The following KRTCAP2 variants were observed in gnomAD, a reference collection of about 807,000 sequenced individuals.
The protein encoded by KRTCAP2 is keratinocyte associated protein 2.
Under a neutral mutation model 16.5 loss-of-function variants are expected in KRTCAP2, and 10 were observed. That is an observed-to-expected ratio of 0.60 (90% CI 0.37 to 1.02). KRTCAP2 has a LOEUF of 1.02. Ranked by LOEUF, KRTCAP2 falls within the 50% of genes least tolerant of loss-of-function variation. The probability of loss-of-function intolerance (pLI) is 0.01; values close to 1 mark genes in which losing one functional copy is unlikely to be tolerated. For synonymous variants in KRTCAP2, 68 were observed against 69.8 expected (o/e 0.97, Z 0.13); for missense variants, 152 against 159.6 (o/e 0.95, Z 0.26).
chr1:155,170,034 T>G, intron 3 of KRTCAP2, 177 bp from the exon 4 acceptor site: 1 of 538,818 alleles, frequency 1.9e-6, no homozygotes, highest in Non-Finnish European at 3.4e-6. Flanking sequence ...AACATGGAGG[T>G]AGGAGGTTGA....
chr1:155,170,031 A>C (rs534766954), intron 3 of KRTCAP2, 174 bp from the exon 4 acceptor site: 1 of 540,490 alleles, frequency 1.9e-6, no homozygotes. Context: ...CAGAACATGG[A>C]GGTAGGAGGT....
At chr1:155,172,654 G>C (rs775240778) in intron 2 of KRTCAP2, 26 bp from the exon 3 acceptor site, 1 of 1,614,102 alleles carries the variant, frequency 6.2e-7, no homozygotes, top group Admixed American at 1.7e-5. Context: ...AAGGAGTAGG[G>C]TGTGCAACGG....
At position 155,173,296 on chromosome 1, in the gene KRTCAP2, T is replaced by A. The variant is rs772669394; in HGVS notation, c.-72A>T. 6.2e-7 allele frequency: 1 copy of A among 1,613,714 alleles called. No individual in the cohort carries two copies. Among genetic ancestry groups the A allele is most frequent in the Non-Finnish European group, 8.5e-7 (1 of 1,179,748 alleles). ...GAGCTGAACCGGGTGCGGTTAGCTATGCGCATGCGTCAGCGCTTACCGCGG... is the reference window on the plus strand; with the variant it reads ...GAGCTGAACCGGGTGCGGTTAGCTAAGCGCATGCGTCAGCGCTTACCGCGG... On this transcript the variant is annotated 5_prime_UTR_variant, in exon 1 of 5. Coordinates refer to ENST00000295682, the MANE Select transcript of KRTCAP2 (RefSeq NM_173852.4).
At chr1:155,172,686 G>C (rs758212274) in intron 2 of KRTCAP2, 52 bp downstream of exon 2, 3 of 1,614,040 alleles carry the variant, frequency 1.9e-6, no homozygotes, top group African/African-American at 1.3e-5. Context: ...TGTGGGGAAG[G>C]GGAAGGGCAC....
intron 3 of KRTCAP2, chr1:155,170,079 G>A (rs888391590): frequency 8.8e-6 from 4 of 454,168 alleles, no homozygotes; most frequent in East Asian, 4.1e-5. Context: ...CCAGCACTTC[G>A]GGAGGCTGAG....
intron 3 of KRTCAP2, chr1:155,170,891 C>T (rs1435758423): frequency 1.2e-4 from 18 of 152,192 alleles, no homozygotes; most frequent in Admixed American, 1.2e-3. Context: ...TCACTGCAGC[C>T]TTGATCTCCT....
rs534415492 is a variant in KRTCAP2 at position 155,171,987 on chromosome 1, G to C, written c.223+578C>G. 2.2e-4 allele frequency: 219 copies of C among 987,924 alleles called. No individual in the cohort carries two copies. The African/African-American group carries it at 3.6e-3, about 16-fold the overall frequency. 61.2% of individuals were successfully genotyped at this position (987,924 alleles called of 1,614,324 possible). ...GGCATTCCTTAAGTAATCTGGCCTT[G>C]ACACTTAATTTGCTTTATAAACTTA... On this transcript the variant is annotated intron_variant, in intron 3 of 4. Coordinates refer to ENST00000295682, the MANE Select transcript of KRTCAP2 (RefSeq NM_173852.4).
At chr1:155,170,368 G>A (rs1665203614) in intron 3 of KRTCAP2, 1 of 150,810 alleles carries the variant, frequency 6.6e-6, no homozygotes, top group African/African-American at 2.4e-5. Context: ...AAAAGAACAT[G>A]GATGTAGATG....
At chr1:155,170,612 T>C (rs143054653) in intron 3 of KRTCAP2, 3 of 152,206 alleles carry the variant, frequency 2.0e-5, no homozygotes, top group South Asian at 2.1e-4. Flanking sequence ...TGGACACAGG[T>C]TGGAGGGCAG....
intron 3 of KRTCAP2, chr1:155,171,656 G>A (rs962072810): frequency 7.2e-6 from 6 of 832,584 alleles, no homozygotes; most frequent in African/African-American, 1.8e-5. Context: ...CCAGGAGTTC[G>A]AGACCAGCCT....
intron 3 of KRTCAP2, 177 bp downstream of exon 3, chr1:155,172,388 C>T: frequency 6.9e-7 from 1 of 1,447,762 alleles, no homozygotes. Flanking sequence ...TCTTCCAGCT[C>T]CAACTCCAGG....
chr1:155,172,375 T>G, intron 3 of KRTCAP2, 190 bp downstream of exon 3: 1 of 1,435,076 alleles, frequency 7.0e-7, no homozygotes. Context: ...TTCAAAGGCC[T>G]TCTCTTCCAG....
intron 3 of KRTCAP2, chr1:155,172,201 G>T (rs1665274346): frequency 9.0e-7 from 1 of 1,110,978 alleles, no homozygotes; most frequent in African/African-American, 1.6e-5. Flanking sequence ...CTAATATTGA[G>T]TTAACTTCAC....
intron 3 of KRTCAP2, chr1:155,171,405 C>A (rs1665235655): frequency 1.1e-6 from 1 of 941,520 alleles, no homozygotes; most frequent in Admixed American, 7.1e-5. Flanking sequence ...GGTGACAGAG[C>A]GAGACTCCAT....
Position 155,169,718 on chromosome 1 carries a change from T to C in KRTCAP2, c.290+73A>G, listed in dbSNP as rs1365833347. Reference sequence around the variant, plus strand: ...GAGGTAGGTGTGGAAGGAAAAACTCTGGCACCATCACAGTAAGATCCAATG... The same window carrying C: ...GAGGTAGGTGTGGAAGGAAAAACTCCGGCACCATCACAGTAAGATCCAATG... On this transcript the variant is annotated intron_variant, in intron 4 of 4. Transcript: ENST00000295682. 2.8e-6 allele frequency: 4 copies of C among 1,403,664 alleles called. No homozygotes were observed. In the South Asian group the frequency reaches 3.7e-5, roughly 13 times the overall value. 87.0% of individuals were successfully genotyped at this position (1,403,664 alleles called of 1,614,324 possible). A position where few individuals can be genotyped will look rare whatever the true frequency, so the allele number is the denominator to read the frequency against.
In KRTCAP2 at chr1:155,169,443, G is replaced by A. The variant is rs772774857; in HGVS notation, c.408C>T (p.Asn136=). The A allele has an allele frequency of 6.2e-7, 1 of 1,613,862 alleles. No individual in the cohort carries two copies. The highest frequency in any genetic ancestry group is 2.2e-5 in the East Asian group (1 of 44,894). ...CAACTTTATTGAACATTCAGGGTCA[G>A]TTTCTCTTCTTGCTCTTGCCTGTGA... ...AKVTGKSKKR[N] Residue 136 remains asparagine, a synonymous_variant, in exon 5 of 5, where the codon AAC becomes AAT. Transcript: ENST00000295682.
intron 1 of KRTCAP2, 63 bp from the exon 2 acceptor site, chr1:155,172,955 C>T: frequency 6.4e-7 from 1 of 1,567,842 alleles, no homozygotes; most frequent in African/African-American, 1.4e-5. Flanking sequence ...AAGCTACGGG[C>T]AGATCAGCCG....
At chr1:155,172,463 C>A in intron 3 of KRTCAP2, 102 bp downstream of exon 3, 1 of 1,593,054 alleles carries the variant, frequency 6.3e-7, no homozygotes, top group Non-Finnish European at 8.6e-7. Flanking sequence ...AAATATATTT[C>A]TCCTTAACAA....
intron 3 of KRTCAP2, chr1:155,172,282 A>G: frequency 3.9e-6 from 5 of 1,286,018 alleles, no homozygotes; most frequent in Non-Finnish European, 5.0e-6. Flanking sequence ...CCCAGCGAAT[A>G]GATGCAAAAC....
Sources: gnomAD v4.1 joint callset for allele counts on GRCh38, gnomAD v4.1.1 for gene constraint, MANE v1.5 for transcripts, NCBI Gene and HGNC (gene_info 2026-07-23, HGNC 2026-07-21) for gene names.